PIGS: variants seen among roughly 807,000 people sequenced by gnomAD.
PIGS encodes the protein phosphatidylinositol glycan anchor biosynthesis class S, also known as GPI-anchor transamidase component PIGS.
PIGS carries 37 observed loss-of-function variants against 58.2 expected under a neutral mutation model. The observed-to-expected ratio is 0.64, with a 90% confidence interval of 0.49 to 0.84. The LOEUF (loss-of-function observed/expected upper bound fraction) is 0.84. Ranked by LOEUF, PIGS falls within the 40% of genes least tolerant of loss-of-function variation. The pLI is 0.00. For synonymous variants in PIGS, 269 were observed against 289.2 expected (o/e 0.93, Z 0.71); for missense variants, 629 against 710.8 (o/e 0.88, Z 1.31).
intron 3 of PIGS, among the ~76,000 whole-genome samples, chr17:28,568,131 G>C (rs1203664784): frequency 6.6e-6 from 1 of 151,156 alleles, no homozygotes; most frequent in African/African-American, 2.4e-5. Context: ...TTTTGAGATG[G>C]AGTCTTTGTC....
At chr17:28,566,226 CAA>C (rs35456812) in intron 3 of PIGS, among the ~76,000 whole-genome samples, 5 of 55,618 alleles carry the variant, frequency 9.0e-5, no homozygotes, top group African/African-American at 1.3e-4. Context: ...GACCCTATCT[CAA>C]AAAAAAAAAA....
intron 9 of PIGS, 180 bp downstream of exon 9, chr17:28,556,647 A>G (rs1597583201): frequency 2.5e-6 from 2 of 803,024 alleles, no homozygotes; most frequent in South Asian, 3.6e-5. Flanking sequence ...TGGCGGAAAC[A>G]AAAGTGGGGC....
chr17:28,563,831 C>T lies in PIGS; in HGVS notation c.363G>A (p.Ser121=), dbSNP rs141734737. 166 of 1,613,620 alleles carry T rather than the reference C, an allele frequency of 1.0e-4. 1 individual carries two copies. Among genetic ancestry groups the T allele is most frequent in the Non-Finnish European group, 1.2e-4 (145 of 1,179,660 alleles). ...CCCTTCCCATACCTTGCACACTGCC[C>T]GATGACAGGGCCTCCTCCTCATGGT... The part of the protein sequence containing the change: ...ALDHEEEALS[S]GSVQEAEAML... Residue 121 remains serine (S), a synonymous_variant, in exon 4 of 12, where the codon TCG becomes TCA. Transcript: ENST00000308360.
chr17:28,562,408 G>C (rs2070369451), intron 5 of PIGS, among the ~76,000 whole-genome samples: 1 of 152,088 alleles, frequency 6.6e-6, no homozygotes, highest in African/African-American at 2.4e-5. Flanking sequence ...ATTTTCTTTA[G>C]TGCTTTTATA....
In PIGS at chr17:28,571,194, G is replaced by A. The variant is rs1008697130; in HGVS notation, c.35-6C>T. The stretch of plus-strand genomic sequence containing the variant: ...GCGCTTGCCCCGGGCCACCTCTGAG[G>A]GCATGGGGAACCGACTGAGGCGCTG... On this transcript the variant is annotated splice_region_variant and splice_polypyrimidine_tract_variant and intron_variant, in intron 1 of 11. Coordinates refer to ENST00000308360, the MANE Select transcript of PIGS (RefSeq NM_033198.4). The A allele has an allele frequency of 1.1e-5, 18 of 1,611,960 alleles. No individual in the cohort carries two copies. In the South Asian group the frequency reaches 1.8e-4, roughly 16 times the overall value.
At position 28,563,677 on chromosome 17, in the gene PIGS, G is replaced by A. The variant is rs1018343630; in HGVS notation, c.376+141C>T. On this transcript the variant is annotated intron_variant, in intron 4 of 11. Transcript: ENST00000308360. ...CAACCTCTCTGGCCCTCAGTGGACT[G>A]GGCTGAATCCCACAGTTCCTCATTC... 6.6e-6 allele frequency: 8 copies of A among 1,206,996 alleles called. No homozygotes were observed. In the African/African-American group the frequency reaches 1.2e-4, roughly 18 times the overall value. 74.8% of individuals were successfully genotyped at this position (1,206,996 alleles called of 1,614,324 possible). A position where few individuals can be genotyped will look rare whatever the true frequency, so the allele number is the denominator to read the frequency against.
chr17:28,556,508 G>A, intron 9 of PIGS: 1 of 729,956 alleles, frequency 1.4e-6, no homozygotes, highest in South Asian at 1.4e-5. Flanking sequence ...TCTCCCCCAT[G>A]AGAAACTTCC....
At chr17:28,562,814 C>A (rs766272070) in intron 5 of PIGS, among the ~76,000 whole-genome samples, 3 of 151,944 alleles carry the variant, frequency 2.0e-5, no homozygotes. Flanking sequence ...CAGGCTCAAG[C>A]GCTCCCCCTG....
rs185216443 is a variant in PIGS at position 28,563,072 on chromosome 17, C to T, written c.468+359G>A. Among the ~76,000 whole-genome samples the T allele has an allele frequency of 7.9e-5, 12 of 152,104 alleles. No homozygotes were observed. In the East Asian group the frequency reaches 2.4e-3, roughly 30 times the overall value. ...CCTGTAATCTCAGCACTCTGGGGGG[C>T]CAAGGCAGGTAGATCACAAGGTCAG... On this transcript the variant is annotated intron_variant, in intron 5 of 11. Coordinates refer to ENST00000308360, the MANE Select transcript of PIGS (RefSeq NM_033198.4).
chr17:28,571,237 CGGCCCCA>C, intron 1 of PIGS, 49 bp from the exon 2 acceptor site: 1 of 1,586,468 alleles, frequency 6.3e-7, no homozygotes, highest in South Asian at 1.1e-5. Context: ...GCTAGGGTAC[CGGCCCCA>C]TCCCCGACGC....
At chr17:28,568,770 C>T (rs1166774485) in intron 3 of PIGS, among the ~76,000 whole-genome samples, 2 of 152,166 alleles carry the variant, frequency 1.3e-5, no homozygotes, top group Admixed American at 6.5e-5. Context: ...TTCAAACTAA[C>T]TTGTGAGGGA....
At chr17:28,568,255 A>G (rs2070405048) in intron 3 of PIGS, among the ~76,000 whole-genome samples, 1 of 152,030 alleles carries the variant, frequency 6.6e-6, no homozygotes, top group African/African-American at 2.4e-5. Context: ...GGCGCCCGCC[A>G]CCACGCCCGG....
rs747159623 is a variant in PIGS at position 28,571,197 on chromosome 17, A to T, written c.35-9T>A. On this transcript the variant is annotated splice_polypyrimidine_tract_variant and intron_variant, in intron 1 of 11. Transcript: ENST00000308360. ...CTTGCCCCGGGCCACCTCTGAGGGC[A>T]TGGGGAACCGACTGAGGCGCTGGAA... 3.1e-6 allele frequency: 5 copies of T among 1,611,448 alleles called. No homozygotes were observed. In the South Asian group the frequency reaches 5.5e-5, roughly 18 times the overall value.
At position 28,571,340 on chromosome 17, in the gene PIGS, C is replaced by G. The variant is rs540232475; in HGVS notation, c.34+123G>C. 17 of 1,520,028 alleles carry G rather than the reference C, an allele frequency of 1.1e-5. No individual in the cohort carries two copies. The East Asian group carries it at 4.1e-4, about 37-fold the overall frequency. The allele number at this position is 1,520,028 out of a possible 1,614,324, so 94.2% of individuals were successfully genotyped here. A position where few individuals can be genotyped will look rare whatever the true frequency, so the allele number is the denominator to read the frequency against. Reference sequence around the variant, plus strand: ...GACCCGGCCCAAGCCTGAAGGGAATCTCGTCTGAAGAGACCCCCGAGCCCC... The same window carrying G: ...GACCCGGCCCAAGCCTGAAGGGAATGTCGTCTGAAGAGACCCCCGAGCCCC... On this transcript the variant is annotated intron_variant, in intron 1 of 11. Transcript: ENST00000308360.
At position 28,557,257 on chromosome 17, in the gene PIGS, T is replaced by C. The variant is rs1337915466; in HGVS notation, c.935-285A>G. 4 of 400,078 alleles carry C rather than the reference T, an allele frequency of 1.0e-5. 1 individual carries two copies. The highest frequency in any genetic ancestry group is 5.6e-5 in the South Asian group (2 of 35,408). 24.8% of individuals were successfully genotyped at this position (400,078 alleles called of 1,614,324 possible). On this transcript the variant is annotated intron_variant, in intron 8 of 11. Transcript: ENST00000308360. Reference sequence around the variant, plus strand: ...ACAGCTTTCTTGGCCACTCCCACAATGTACCCATATTACTACAGATAGTTT... The same window carrying C: ...ACAGCTTTCTTGGCCACTCCCACAACGTACCCATATTACTACAGATAGTTT...
At position 28,560,146 on chromosome 17, in the gene PIGS, T is replaced by C. The variant is rs772398650; in HGVS notation, c.722A>G (p.His241Arg). 1 of 1,612,834 alleles carries C rather than the reference T, an allele frequency of 6.2e-7. No homozygotes were observed. The highest frequency in any genetic ancestry group is 8.5e-7 in the Non-Finnish European group (1 of 1,179,450). Reference sequence around the variant, plus strand: ...CCCCTCAATGTCCCAGTAGACATCATGGGACTTGGGGTCTGGGTTGAGTAA... The same window carrying C: ...CCCCTCAATGTCCCAGTAGACATCACGGGACTTGGGGTCTGGGTTGAGTAA... The part of the protein sequence containing the change: ...FSLLNPDPKS[H>R]DVYWDIEGAV... The change falls in exon 7 of 12, where the codon CAT becomes CGT. Residue 241 changes from histidine (H) to arginine (R), a missense_variant. Physicochemically the swap from His to Arg is conservative, Grantham distance 29. Coordinates refer to ENST00000308360, the MANE Select transcript of PIGS (RefSeq NM_033198.4).
Position 28,560,120 on chromosome 17 carries a change from C to T in PIGS, c.748G>A (p.Ala250Thr), listed in dbSNP as rs375094546. ...AAAGGTTGCACATAGCGCCGGACAG[C>T]CCCCTCAATGTCCCAGTAGACATCA... ...SHDVYWDIEG[A>T]VRRYVQPFLN... Residue 250 changes from alanine (A) to threonine (T), a missense_variant, in exon 7 of 12, where the codon GCT becomes ACT. Ala to Thr is a moderately conservative substitution (Grantham distance 58). Coordinates refer to ENST00000308360, the MANE Select transcript of PIGS (RefSeq NM_033198.4). 42 of 1,613,324 alleles carry T rather than the reference C, an allele frequency of 2.6e-5. No homozygotes were observed. Among genetic ancestry groups the T allele is most frequent in the Non-Finnish European group, 3.6e-5 (42 of 1,179,764 alleles).
At chr17:28,565,824 G>A (rs548067532) in intron 3 of PIGS, among the ~76,000 whole-genome samples, 11 of 152,306 alleles carry the variant, frequency 7.2e-5, no homozygotes, top group Non-Finnish European at 1.5e-4. Flanking sequence ...GAGGCCAGGA[G>A]TTCAAGACCA....
Position 28,571,152 on chromosome 17 carries a change from G to A in PIGS, c.71C>T (p.Ala24Val), listed in dbSNP as rs2070425862. 9 of 1,613,594 alleles carry A rather than the reference G, an allele frequency of 5.6e-6. No individual in the cohort carries two copies. The highest frequency in any genetic ancestry group is 1.3e-5 in the African/African-American group (1 of 74,926). The stretch of plus-strand genomic sequence containing the variant: ...TAGCCCCAGCACGATGGCCACCGCA[G>A]CGAAGAAGAGGGCGGCGCGCTTGCC... ...ARGKRAALFFAAVAIVLGLPL... is the reference protein window; with the variant it reads ...ARGKRAALFFVAVAIVLGLPL... The change falls in exon 2 of 12, where the codon GCT becomes GTT. Residue 24 changes from alanine (A) to valine (V), a missense_variant. Physicochemically the swap from Ala to Val is moderately conservative, Grantham distance 64 (BLOSUM62 0). Transcript: ENST00000308360.
Sources: allele counts gnomAD v4.1 joint callset (sites outside exome capture counted in the v4.1 genomes callset), GRCh38; gene constraint gnomAD v4.1.1; transcripts MANE v1.5; gene names NCBI Gene and HGNC (gene_info 2026-07-23, HGNC 2026-07-21).